The following SMOC2 variants were observed in gnomAD, a reference collection of about 807,000 sequenced individuals.
SMOC2 encodes the protein SPARC related modular calcium binding 2, also known as SPARC-related modular calcium-binding protein 2.
A neutral mutation model predicts 61.4 loss-of-function variants in SMOC2; 39 were observed. The observed-to-expected ratio is 0.64, with a 90% CI of 0.49 to 0.83. SMOC2 has a LOEUF of 0.83. Ranked by LOEUF, SMOC2 falls within the 40% of genes least tolerant of loss-of-function variation. The pLI, the probability that SMOC2 is intolerant of heterozygous loss-of-function variation, is 0.00. For synonymous variants in SMOC2, 247 were observed against 239.9 expected (o/e 1.03, Z -0.27); for missense variants, 556 against 592.9 (o/e 0.94, Z 0.65).
intron 9 of SMOC2, among the ~76,000 whole-genome samples, chr6:168,618,572 T>G: frequency 1.6e-5 from 2 of 127,554 alleles, no homozygotes; most frequent in South Asian, 2.6e-4. Flanking sequence ...GGTCGAGAGG[T>G]GGGTAGTGGC....
intron 9 of SMOC2, among the ~76,000 whole-genome samples, chr6:168,633,905 A>C (rs1243648430): frequency 6.6e-6 from 1 of 152,056 alleles, no homozygotes; most frequent in Non-Finnish European, 1.5e-5. Context: ...GGGGGTGGTT[A>C]CCCCTACACT....
At chr6:168,580,008 G>A (rs1444741433) in intron 7 of SMOC2, among the ~76,000 whole-genome samples, 3 of 152,166 alleles carry the variant, frequency 2.0e-5, no homozygotes, top group Non-Finnish European at 4.4e-5. Context: ...AGGTTAGTGT[G>A]GGAGGCAAAT....
intron 1 of SMOC2, among the ~76,000 whole-genome samples, chr6:168,473,664 G>A (rs1307858157): frequency 6.6e-6 from 1 of 152,146 alleles, no homozygotes; most frequent in East Asian, 1.9e-4. Context: ...TGAGAATTTG[G>A]TGCAGGCCGT....
intron 1 of SMOC2, among the ~76,000 whole-genome samples, chr6:168,448,249 T>A (rs896123082): frequency 6.8e-6 from 1 of 147,742 alleles, no homozygotes; most frequent in Non-Finnish European, 1.5e-5. Flanking sequence ...TGAGCAGCCC[T>A]CCTGGTGGTG....
chr6:168,660,122 G>C (rs897009375), intron 11 of SMOC2, among the ~76,000 whole-genome samples: 6 of 149,176 alleles, frequency 4.0e-5, no homozygotes, highest in African/African-American at 1.5e-4. Flanking sequence ...AGCCTCTTCA[G>C]CCTCTTCAGA....
chr6:168,659,693 G>A (rs1431126987), intron 11 of SMOC2, among the ~76,000 whole-genome samples: 3 of 70,686 alleles, frequency 4.2e-5, no homozygotes, highest in African/African-American at 5.5e-5. Context: ...TTGTAGGTAG[G>A]GTGAGGGTGG....
rs181868570 is a variant in SMOC2 at position 168,573,986 on chromosome 6, G to A, written c.637+24783G>A. Among the ~76,000 whole-genome samples the A allele has an allele frequency of 6.6e-5, 10 of 152,372 alleles. No individual in the cohort carries two copies. In the East Asian group the frequency reaches 1.9e-3, roughly 29 times the overall value. ...AAGGGGCACGTGCCCTTCTCTGGAG[G>A]GGGAGGGATGGGTGGACCCGGGCCT... On this transcript the variant is annotated intron_variant, in intron 7 of 12. Transcript: ENST00000356284.
At chr6:168,571,697 C>G (rs1448965247) in intron 7 of SMOC2, among the ~76,000 whole-genome samples, 12 of 152,170 alleles carry the variant, frequency 7.9e-5, no homozygotes, top group Admixed American at 7.9e-4. Context: ...GTGATTGTGT[C>G]CAGGATGGAT....
chr6:168,588,637 C>T (rs1002901852), intron 7 of SMOC2, among the ~76,000 whole-genome samples: 3 of 152,154 alleles, frequency 2.0e-5, no homozygotes, highest in African/African-American at 4.8e-5. Flanking sequence ...AGGATTGAAG[C>T]GGAGTGGCCA....
chr6:168,485,573 G>A (rs1411674273), intron 1 of SMOC2, among the ~76,000 whole-genome samples: 6 of 152,132 alleles, frequency 3.9e-5, no homozygotes, highest in African/African-American at 1.2e-4. Flanking sequence ...ATTCACAAAC[G>A]ACCTCATATC....
chr6:168,655,271 C>T (rs148184481), intron 11 of SMOC2: 50 of 398,840 alleles, frequency 1.3e-4, no homozygotes, highest in African/African-American at 2.1e-4. Context: ...TCCAACTAAA[C>T]GTTAGGCCAG....
intron 9 of SMOC2, 84 bp from the exon 10 acceptor site, chr6:168,650,597 A>T: frequency 7.5e-7 from 1 of 1,329,846 alleles, no homozygotes; most frequent in Non-Finnish European, 1.0e-6. Flanking sequence ...ATTTCCAAAC[A>T]GTAAAACAAC....
At chr6:168,599,568 CCA>C (rs1468839214) in intron 8 of SMOC2, among the ~76,000 whole-genome samples, 2 of 113,214 alleles carry the variant, frequency 1.8e-5, no homozygotes, top group Admixed American at 9.9e-5. Flanking sequence ...CCATACACAC[CCA>C]CACTCATACC....
chr6:168,540,542 G>A (rs1175269815), intron 4 of SMOC2, among the ~76,000 whole-genome samples: 1 of 146,398 alleles, frequency 6.8e-6, no homozygotes, highest in African/African-American at 2.8e-5. Flanking sequence ...TGGTGAAGGT[G>A]CCTGGCCAGG....
intron 1 of SMOC2, among the ~76,000 whole-genome samples, chr6:168,451,909 C>T (rs1209479126): frequency 6.6e-6 from 1 of 152,214 alleles, no homozygotes; most frequent in East Asian, 1.9e-4. Flanking sequence ...CTACACCCTG[C>T]TGGAAACATC....
rs150316530 is a variant in SMOC2 at position 168,588,914 on chromosome 6, T to C, written c.638-9904T>C. On this transcript the variant is annotated intron_variant, in intron 7 of 12. Transcript: ENST00000356284. ...AGACCAGCCTGGCCAACATCTCTAC[T>C]AAAAAAATACAAAAAATTAATTGGG... Among the ~76,000 whole-genome samples, 110 of 151,700 alleles carry C rather than the reference T, an allele frequency of 7.3e-4. 1 individual carries two copies. In the East Asian group the frequency reaches 0.02, roughly 28 times the overall value.
At chr6:168,656,238 C>T (rs1187835652) in intron 11 of SMOC2, among the ~76,000 whole-genome samples, 2 of 152,088 alleles carry the variant, frequency 1.3e-5, no homozygotes, top group African/African-American at 4.8e-5. Flanking sequence ...TGGCAAGTCA[C>T]GGTGGCTCAC....
chr6:168,621,581 T>C lies in SMOC2; in HGVS notation c.907+13342T>C, dbSNP rs74885505. Among the ~76,000 whole-genome samples, 1,127 of 152,310 alleles carry C rather than the reference T, an allele frequency of 7.4e-3. 19 individuals are homozygous for C. Among genetic ancestry groups the C allele is most frequent in the African/African-American group, 0.026 (1,083 of 41,560 alleles). On this transcript the variant is annotated intron_variant, in intron 9 of 12. Transcript: ENST00000356284. ...TTATAAAGTTAAGAGGCTTAACTGA[T>C]TCACAGTTCCACATGGCTGGGGAGG...
At chr6:168,520,117 C>G (rs1208399594) in intron 2 of SMOC2, among the ~76,000 whole-genome samples, 1 of 152,144 alleles carries the variant, frequency 6.6e-6, no homozygotes, top group Non-Finnish European at 1.5e-5. Flanking sequence ...CTTTTGCTGG[C>G]CAAGGGCTGC....
Sources: allele counts gnomAD v4.1 joint callset (sites outside exome capture counted in the v4.1 genomes callset), GRCh38; gene constraint gnomAD v4.1.1; transcripts MANE v1.5; gene names NCBI Gene and HGNC (gene_info 2026-07-23, HGNC 2026-07-21).